Variants in LRFN1 observed in about 807,000 individuals in gnomAD.
LRFN1 encodes leucine-rich repeat and fibronectin type III domain-containing protein 1.
In LRFN1, 20 loss-of-function variants were observed where a neutral mutation model predicts 31.8. The ratio of observed to expected loss-of-function variants is 0.63; its 90% confidence interval spans 0.44 to 0.91. The LOEUF is 0.91. Among genes scored for constraint, LRFN1 ranks in the 40% least tolerant of loss-of-function variants. The pLI, the probability that LRFN1 is intolerant of heterozygous loss-of-function variation, is 0.00. For synonymous variants in LRFN1, 514 were observed against 541.3 expected, an observed-to-expected ratio of 0.95 and a Z score of 0.70; for missense variants, 912 against 1,129.8, an observed-to-expected ratio of 0.81 and a Z score of 2.76.
intron 4 of LRFN1, among the ~76,000 whole-genome samples, chr19:39,312,663 A>G (rs2075154897): frequency 6.6e-6 from 1 of 151,988 alleles, no homozygotes; most frequent in Non-Finnish European, 1.5e-5. Flanking sequence ...AAATTAGCCC[A>G]GTGTGGTGGT....
intron 4 of LRFN1, among the ~76,000 whole-genome samples, chr19:39,313,642 G>A (rs78605692): frequency 4.7e-4 from 72 of 152,326 alleles, no homozygotes; most frequent in African/African-American, 1.5e-3. Flanking sequence ...CAGTGATATC[G>A]ACCATGAGCC....
chr19:39,308,693 T>G lies in LRFN1; in HGVS notation c.1407-151A>C, dbSNP rs561012269. 7.0e-4 allele frequency among the ~76,000 whole-genome samples: 106 copies of G among 152,168 alleles called. No individual in the cohort carries two copies. Among genetic ancestry groups the G allele is most frequent in the East Asian group, 1.9e-3 (10 of 5,180 alleles). On this transcript the variant is annotated intron_variant, in intron 4 of 4. Transcript: ENST00000248668. This position sits in a 1 kb window ranked among gnomAD's most constrained non-coding sequence, Gnocchi z 6.2. ...CAACAGCAGCAATTCAAGCCCCGCC[T>G]CCATCAACATATTCCCACCCTTTCA...
chr19:39,309,558 A>G (rs567392299), intron 4 of LRFN1, among the ~76,000 whole-genome samples: 26 of 149,194 alleles, frequency 1.7e-4, no homozygotes, highest in African/African-American at 6.1e-4. Flanking sequence ...CCTTAACTAC[A>G]TGTTCCCTGA....
chr19:39,318,742 G>A (rs2075179333), intron 1 of LRFN1, among the ~76,000 whole-genome samples: 1 of 152,174 alleles, frequency 6.6e-6, no homozygotes, highest in South Asian at 2.1e-4. Flanking sequence ...AAGAGCTGGG[G>A]AAGGGCCAAA....
rs781117727 is a variant in LRFN1, at chr19:39,308,481, C to T, written c.1468G>A (p.Asp490Asn). 1.6e-5 allele frequency: 25 copies of T among 1,604,892 alleles called. No individual in the cohort carries two copies. The highest frequency in any genetic ancestry group is 1.9e-5 in the Non-Finnish European group (22 of 1,179,446). The stretch of plus-strand genomic sequence containing the variant: ...TCGTAGACCGCCAGCACGCACAAGT[C>T]GTAGGCACGGCCCGCCGCCAGGTCA... ...VNDLAAGRAY[D>N]LCVLAVYDDG... The change falls in exon 5 of 5, where the codon GAC (aspartate) becomes AAC (asparagine). Residue 490 changes from aspartate (D) to asparagine (N), a missense_variant. By Grantham distance (23) the Asp-to-Asn change is conservative (BLOSUM62 1). Coordinates refer to ENST00000248668, the MANE Select transcript of LRFN1 (RefSeq NM_020862.2). This position sits in a 1 kb window ranked among gnomAD's most constrained non-coding sequence, Gnocchi z 6.2.
intron 2 of LRFN1, among the ~76,000 whole-genome samples, chr19:39,316,583 CAG>C (rs1170983884): frequency 6.6e-6 from 1 of 152,130 alleles, no homozygotes; most frequent in African/African-American, 2.4e-5. Flanking sequence ...GAAAACACAT[CAG>C]AGTCTTCCAG....
rs1177606096 is a variant in LRFN1, at chr19:39,314,104, G to C, written c.1233C>G (p.Ile411Met). The C allele has an allele frequency of 1.9e-6, 3 of 1,612,186 alleles. No individual in the cohort carries two copies. Among genetic ancestry groups the C allele is most frequent in the Non-Finnish European group, 1.7e-6 (2 of 1,179,294 alleles). ...PPLTEPGSSD[I>M]ATPGRPGAND... is the part of the protein sequence containing the mutation. ...TGGCACCTGGTCTGCCCGGCGTGGC[G>C]ATGTCAGAGGAGCCGGGCTCGGTGA... Residue 411 changes from isoleucine to methionine, a missense_variant, in exon 4 of 5, where the codon ATC (isoleucine) becomes ATG (methionine). Ile to Met is a conservative substitution (Grantham distance 10). Coordinates refer to ENST00000248668, the MANE Select transcript of LRFN1 (RefSeq NM_020862.2).
intron 2 of LRFN1, among the ~76,000 whole-genome samples, chr19:39,317,140 C>T (rs1334291836): frequency 1.3e-5 from 2 of 151,428 alleles, no homozygotes; most frequent in Non-Finnish European, 2.9e-5. Context: ...GGTGAACAGA[C>T]AGAAAACTGA....
chr19:39,307,972 G>A lies in LRFN1; in HGVS notation c.1977C>T (p.Ser659=), dbSNP rs1341761385. The A allele has an allele frequency of 6.3e-7, 1 of 1,580,786 alleles. No homozygotes were observed. The highest frequency in any genetic ancestry group is 1.1e-5 in the South Asian group (1 of 88,462). The change falls in exon 5 of 5, where the codon TCC becomes TCT. Residue 659 remains serine (S), a synonymous_variant. Coordinates refer to ENST00000248668, the MANE Select transcript of LRFN1 (RefSeq NM_020862.2). This position sits in a 1 kb window ranked among gnomAD's most constrained non-coding sequence, Gnocchi z 6.7. The part of the protein sequence containing the change: ...SLCLLPSEET[S]GEESRAAVGP... The stretch of plus-strand genomic sequence containing the variant: ...CCACCGCGGCCCGAGACTCCTCCCC[G>A]GAAGTTTCCTCGGATGGCAGCAGGC...
At position 39,314,623 on chromosome 19, in the gene LRFN1, C is replaced by T. The variant is rs1343502127; in HGVS notation, c.714G>A (p.Gly238=). Residue 238 remains glycine, a synonymous_variant, in exon 4 of 5, where the codon GGG becomes GGA. Coordinates refer to ENST00000248668, the MANE Select transcript of LRFN1 (RefSeq NM_020862.2). The part of the protein sequence containing the change: ...DGLFLRSQGT[G]PKPPTPLTVS... ...CGGTCAGCGGGGTGGGCGGCTTGGG[C>T]CCGGTGCCCTGCGACCTCAGGAAGA... 1 of 1,610,042 alleles carries T rather than the reference C, an allele frequency of 6.2e-7. No homozygotes were observed. The highest frequency in any genetic ancestry group is 1.7e-5 in the Admixed American group (1 of 59,282).
chr19:39,312,142 T>G (rs2075152794), intron 4 of LRFN1, among the ~76,000 whole-genome samples: 1 of 152,120 alleles, frequency 6.6e-6, no homozygotes, highest in Admixed American at 6.5e-5. Flanking sequence ...AATGCTGGGA[T>G]TATAGGCATG....
Position 39,315,224 on chromosome 19 carries a change from C to T in LRFN1, c.113G>A (p.Cys38Tyr). The change falls in exon 4 of 5, where the codon TGC (cysteine) becomes TAC (tyrosine). Residue 38 changes from cysteine (C) to tyrosine (Y), a missense_variant. By Grantham distance (194) the Cys-to-Tyr change is radical (BLOSUM62 -2). Coordinates refer to ENST00000248668, the MANE Select transcript of LRFN1 (RefSeq NM_020862.2). The surrounding 1 kb of genome is among the most constrained non-coding windows in gnomAD (Gnocchi z 4.7). ...ASRGQPCPGR[C>Y]ICQNVAPTLT... ...TGTGGGCGCCACGTTCTGGCAGATGCAGCGGCCGGGGCAGGGCTGGCCACG... is the reference window on the plus strand; with the variant it reads ...TGTGGGCGCCACGTTCTGGCAGATGTAGCGGCCGGGGCAGGGCTGGCCACG... 1 of 1,568,112 alleles carries T rather than the reference C, an allele frequency of 6.4e-7. No homozygotes were observed. Among genetic ancestry groups the T allele is most frequent in the Non-Finnish European group, 8.6e-7 (1 of 1,163,734 alleles).
intron 1 of LRFN1, among the ~76,000 whole-genome samples, chr19:39,319,781 A>G (rs1476960770): frequency 1.3e-5 from 2 of 151,862 alleles, no homozygotes; most frequent in East Asian, 3.9e-4. Flanking sequence ...CCTGCCCTCC[A>G]CACCCCCAAA....
chr19:39,307,675 C>G lies in LRFN1; in HGVS notation c.2274G>C (p.Leu758=). The G allele has an allele frequency of 6.7e-7, 1 of 1,497,588 alleles. No individual in the cohort carries two copies. Among genetic ancestry groups the G allele is most frequent in the Non-Finnish European group, 8.8e-7 (1 of 1,132,222 alleles). The allele number at this position is 1,497,588 out of a possible 1,614,324, so 92.8% of individuals were successfully genotyped here. A position where few individuals can be genotyped will look rare whatever the true frequency, so the allele number is the denominator to read the frequency against. The change falls in exon 5 of 5, where the codon CTG becomes CTC. Residue 758 remains leucine (L), a synonymous_variant. Coordinates refer to ENST00000248668, the MANE Select transcript of LRFN1 (RefSeq NM_020862.2). This position sits in a 1 kb window ranked among gnomAD's most constrained non-coding sequence, Gnocchi z 6.7. ...DLGLGSARAC[L]AFTSTEWMLE... ...GCATCCACTCGGTGCTGGTGAAAGC[C>G]AGGCACGCCCTGGCGGAGCCCAGCC...
rs773999325 is a variant in LRFN1 at position 39,313,883 on chromosome 19, C to T, written c.1406+48G>A. 6.6e-6 allele frequency: 10 copies of T among 1,521,406 alleles called. No homozygotes were observed. The African/African-American group carries it at 9.5e-5, about 15-fold the overall frequency. 94.2% of individuals were successfully genotyped at this position (1,521,406 alleles called of 1,614,324 possible). On this transcript the variant is annotated intron_variant, in intron 4 of 4. Transcript: ENST00000248668. ...GGAATGGGCAGGTGGGAGGGAGGGTCCCCCTGGGCTTGGGAGGAGGCCCTG... is the reference window on the plus strand; with the variant it reads ...GGAATGGGCAGGTGGGAGGGAGGGTTCCCCTGGGCTTGGGAGGAGGCCCTG...
At position 39,308,598 on chromosome 19, in the gene LRFN1, G is replaced by C; in HGVS notation, c.1407-56C>G. On this transcript the variant is annotated intron_variant, in intron 4 of 4. Coordinates refer to ENST00000248668, the MANE Select transcript of LRFN1 (RefSeq NM_020862.2). This position sits in a 1 kb window ranked among gnomAD's most constrained non-coding sequence, Gnocchi z 6.2. ...TAGTCCCCCCGAACCACGCCCCTTC[G>C]CTTTATGCCCCGCCCATGGTGAACA... 1 of 1,448,494 alleles carries C rather than the reference G, an allele frequency of 6.9e-7. No individual in the cohort carries two copies. Among genetic ancestry groups the C allele is most frequent in the Non-Finnish European group, 9.2e-7 (1 of 1,087,634 alleles). The allele number at this position is 1,448,494 out of a possible 1,614,324, so 89.7% of individuals were successfully genotyped here.
intron 4 of LRFN1, among the ~76,000 whole-genome samples, chr19:39,309,150 C>T (rs766171812): frequency 1.3e-5 from 2 of 152,196 alleles, no homozygotes; most frequent in African/African-American, 4.8e-5. Context: ...GCATGCAGCA[C>T]CTTTGGGTAA....
rs1405715476 is a variant in LRFN1 at position 39,315,192 on chromosome 19, T to C, written c.145A>G (p.Met49Val). The change falls in exon 4 of 5, where the codon ATG (methionine) becomes GTG (valine). Residue 49 changes from methionine to valine, a missense_variant. Transcript: ENST00000248668. This position sits in a 1 kb window ranked among gnomAD's most constrained non-coding sequence, Gnocchi z 4.7. ...AGCAAGCCGGTCTTGGCGCACAGCA[T>C]TGTCAGTGTGGGCGCCACGTTCTGG... Reference protein sequence around the residue: ...ICQNVAPTLTMLCAKTGLLFV... With the variant: ...ICQNVAPTLTVLCAKTGLLFV... 6.3e-7 allele frequency: 1 copy of C among 1,585,970 alleles called. No individual in the cohort carries two copies. Among genetic ancestry groups the C allele is most frequent in the East Asian group, 2.3e-5 (1 of 44,354 alleles).
At chr19:39,309,478 C>CAAAAAAAAAAAAAAAAAAAAAAAA (rs71169583) in intron 4 of LRFN1, among the ~76,000 whole-genome samples, 1 of 31,998 alleles carries the variant, frequency 3.1e-5, no homozygotes, top group African/African-American at 1.5e-4. Context: ...ACAAACAAAC[C>CAAAAAAAAAAAAAAAAAAAAAAAA]AAAAAAAAAA....
Sources: gnomAD v4.1 joint callset for allele counts (sites outside exome capture counted in the v4.1 genomes callset) on GRCh38, gnomAD v4.1.1 for gene constraint, Gnocchi (gnomAD v3.1) non-coding constraint, MANE v1.5 for transcripts, NCBI Gene and HGNC (gene_info 2026-07-23, HGNC 2026-07-21) for gene names.